The following TNR variants were observed in gnomAD, a reference collection of about 807,000 sequenced individuals.
TNR encodes tenascin R, also known as tenascin-R.
A neutral mutation model predicts 150.4 loss-of-function variants in TNR; 45 were observed. The ratio of observed to expected loss-of-function variants is 0.30; its 90% CI spans 0.24 to 0.38. The LOEUF is 0.38. Among genes scored for constraint, TNR ranks in the 10% least tolerant of loss-of-function variants. The pLI is 1.00. For missense variants in TNR, 1,544 were observed against 1,759.1 expected (o/e 0.88, Z 2.19); for synonymous variants, 687 against 678.4 (o/e 1.01, Z -0.20).
intron 2 of TNR, among the ~76,000 whole-genome samples, chr1:175,490,071 A>C (rs918259118): frequency 6.6e-6 from 1 of 152,222 alleles, no homozygotes; most frequent in Non-Finnish European, 1.5e-5. Context: ...ATAAGATTGC[A>C]TATCTACAAC....
intron 2 of TNR, among the ~76,000 whole-genome samples, chr1:175,459,393 T>G (rs1656717136): frequency 6.6e-6 from 1 of 152,298 alleles, no homozygotes; most frequent in South Asian, 2.1e-4. Context: ...GCCAACATGA[T>G]TATGAAAATC....
chr1:175,696,226 T>TGTG (rs1558077833), intron 1 of TNR, among the ~76,000 whole-genome samples: 1 of 136,352 alleles, frequency 7.3e-6, no homozygotes, highest in Non-Finnish European at 1.5e-5. Context: ...AGTTTTTTTT[T>TGTG]TTTTTTTTTT....
At chr1:175,693,773 A>T (rs1351838194) in intron 1 of TNR, among the ~76,000 whole-genome samples, 1 of 152,242 alleles carries the variant, frequency 6.6e-6, no homozygotes, top group Non-Finnish European at 1.5e-5. Context: ...ATGTGTATAC[A>T]TGCATGAAAT....
At chr1:175,711,371 C>T (rs1199373324) in intron 1 of TNR, among the ~76,000 whole-genome samples, 1 of 151,906 alleles carries the variant, frequency 6.6e-6, no homozygotes, top group Admixed American at 6.6e-5. Context: ...TAGGCAGGAG[C>T]ATGCCTGCCA....
At chr1:175,372,412 G>T (rs16848353) in intron 9 of TNR, among the ~76,000 whole-genome samples, 1 of 152,224 alleles carries the variant, frequency 6.6e-6, no homozygotes, top group South Asian at 2.1e-4. Context: ...AGTCAGATAA[G>T]TCTTTCCAGA....
intron 2 of TNR, among the ~76,000 whole-genome samples, chr1:175,516,134 T>C (rs1011230959): frequency 9.2e-5 from 14 of 152,220 alleles, no homozygotes; most frequent in African/African-American, 3.1e-4. Context: ...AGAATTCAAG[T>C]TTATTCCTCA....
At chr1:175,595,878 T>C (rs1051576984) in intron 1 of TNR, among the ~76,000 whole-genome samples, 3 of 152,222 alleles carry the variant, frequency 2.0e-5, no homozygotes, top group African/African-American at 7.2e-5. Flanking sequence ...AACATCCTTA[T>C]GAGGTAGGTG....
intron 18 of TNR, among the ~76,000 whole-genome samples, chr1:175,350,437 T>C (rs1173595127): frequency 6.6e-6 from 1 of 152,230 alleles, no homozygotes; most frequent in Non-Finnish European, 1.5e-5. Context: ...GGCTGCTCTG[T>C]GGGGAATATT....
chr1:175,458,438 T>C (rs998104246), intron 2 of TNR, among the ~76,000 whole-genome samples: 7 of 152,154 alleles, frequency 4.6e-5, no homozygotes, highest in Non-Finnish European at 5.9e-5. Flanking sequence ...AGGTCAAACA[T>C]ATACACAAGC....
chr1:175,551,545 G>A (rs1660936320), intron 1 of TNR, among the ~76,000 whole-genome samples: 1 of 152,230 alleles, frequency 6.6e-6, no homozygotes, highest in South Asian at 2.1e-4. Flanking sequence ...GACTTAGAAA[G>A]CAACCAGTCA....
chr1:175,725,256 T>A (rs1166079540), intron 1 of TNR, among the ~76,000 whole-genome samples: 2 of 152,216 alleles, frequency 1.3e-5, no homozygotes, highest in Non-Finnish European at 2.9e-5. Context: ...GGTGCTTTGA[T>A]CTTGAACTTC....
At chr1:175,386,004 G>C (rs201062817) in intron 8 of TNR, 28 bp downstream of exon 8, 52 of 1,535,496 alleles carry the variant, frequency 3.4e-5, no homozygotes, top group South Asian at 2.6e-4. Flanking sequence ...TTCCCTCCTT[G>C]TGCGTCTCTC....
At chr1:175,414,527 T>C (rs1448912268) in intron 2 of TNR, among the ~76,000 whole-genome samples, 2 of 152,208 alleles carry the variant, frequency 1.3e-5, no homozygotes, top group Non-Finnish European at 2.9e-5. Context: ...TGCATTTCCA[T>C]TGATTCATGT....
rs751781801 is a variant in TNR at position 175,335,756 on chromosome 1, C to G, written c.3586G>C (p.Asp1196His). The change falls in exon 20 of 23, where the codon GAT becomes CAT. Residue 1196 changes from aspartate to histidine, a missense_variant. Physicochemically the swap from Asp to His is moderately conservative, Grantham distance 81. Around this residue, in one of 2 missense-constraint regions of TNR, gnomAD observed 290 missense variants for 429.7 expected, o/e 0.67. Coordinates refer to ENST00000367674, the MANE Select transcript of TNR (RefSeq NM_003285.3). The part of the protein sequence containing the change: ...GQTDFFRKWA[D>H]YRVGFGNVED... The stretch of plus-strand genomic sequence containing the variant: ...ACGTTCCCGAAGCCAACACGGTAAT[C>G]AGCCCATTTCCGGAAAAAATCAGTT... 4 of 1,614,022 alleles carry G rather than the reference C, an allele frequency of 2.5e-6. No homozygotes were observed. The South Asian group carries it at 4.4e-5, about 18-fold the overall frequency.
chr1:175,457,992 A>G (rs1656639714), intron 2 of TNR, among the ~76,000 whole-genome samples: 1 of 152,242 alleles, frequency 6.6e-6, no homozygotes, highest in South Asian at 2.1e-4. Flanking sequence ...AAATAATACA[A>G]ATTATTCAAA....
At chr1:175,572,136 C>T (rs1661898895) in intron 1 of TNR, among the ~76,000 whole-genome samples, 1 of 152,152 alleles carries the variant, frequency 6.6e-6, no homozygotes, top group Non-Finnish European at 1.5e-5. Flanking sequence ...CTACTGACAG[C>T]ACTGATGTGC....
At chr1:175,434,124 G>C (rs959360187) in intron 2 of TNR, among the ~76,000 whole-genome samples, 4 of 152,200 alleles carry the variant, frequency 2.6e-5, no homozygotes, top group African/African-American at 9.7e-5. Context: ...CGGCCAGATT[G>C]CATTTTCAAG....
chr1:175,375,955 C>G (rs1169542633), intron 9 of TNR, among the ~76,000 whole-genome samples: 2 of 152,186 alleles, frequency 1.3e-5, no homozygotes, highest in Non-Finnish European at 1.5e-5. Context: ...AACTAAAGTG[C>G]AGGAAATTTA....
At chr1:175,692,275 T>G (rs1039051231) in intron 1 of TNR, among the ~76,000 whole-genome samples, 1 of 86,940 alleles carries the variant, frequency 1.2e-5, no homozygotes, top group Admixed American at 1.3e-4. Flanking sequence ...GGAAAAGACC[T>G]GGCTCTGCCC....
Sources: gnomAD v4.1 joint callset for allele counts (sites outside exome capture counted in the v4.1 genomes callset) on GRCh38, gnomAD v4.1.1 for gene constraint, gnomAD v4.1.1 regional missense constraint, MANE v1.5 for transcripts, NCBI Gene and HGNC (gene_info 2026-07-23, HGNC 2026-07-21) for gene names.